Variants in PPFIBP1 observed in about 807,000 individuals in gnomAD.
PPFIBP1 encodes the protein PPFIB scaffold protein 1.
Under a neutral mutation model 137.8 loss-of-function variants are expected in PPFIBP1, and 112 were observed. The observed-to-expected ratio is 0.81, with a 90% CI of 0.70 to 0.95. PPFIBP1 has a LOEUF of 0.95. Ranked by LOEUF, PPFIBP1 falls within the 40% of genes least tolerant of loss-of-function variation. The pLI is 0.00. For missense variants in PPFIBP1, 1,083 were observed against 1,196.6 expected (o/e 0.91, Z 1.40); for synonymous variants, 378 against 417.3 (o/e 0.91, Z 1.15).
intron 16 of PPFIBP1, 29 bp from the exon 17 acceptor site, chr12:27,674,163 A>G: frequency 6.4e-7 from 1 of 1,561,452 alleles, no homozygotes; most frequent in Non-Finnish European, 8.7e-7. Flanking sequence ...TTCCCTAACA[A>G]CCTTAAATAT....
At chr12:27,607,391 A>G (rs950929610) in intron 2 of PPFIBP1, among the ~76,000 whole-genome samples, 2 of 152,238 alleles carry the variant, frequency 1.3e-5, no homozygotes, top group Non-Finnish European at 2.9e-5. Flanking sequence ...ATGGACTGCA[A>G]TGTTGTTGAA....
intron 1 of PPFIBP1, among the ~76,000 whole-genome samples, chr12:27,549,732 G>C (rs1002104029): frequency 6.6e-6 from 1 of 152,178 alleles, no homozygotes; most frequent in Non-Finnish European, 1.5e-5. Flanking sequence ...TCCTAGGAAA[G>C]TGGCAGTTCC....
intron 17 of PPFIBP1, 130 bp from the exon 18 acceptor site, chr12:27,676,298 A>G: frequency 1.6e-6 from 1 of 628,454 alleles, no homozygotes; most frequent in Non-Finnish European, 2.4e-6. Context: ...ATTGGTGATC[A>G]ATGTATTAGT....
intron 2 of PPFIBP1, among the ~76,000 whole-genome samples, chr12:27,615,096 T>C (rs1055974762): frequency 6.6e-6 from 1 of 152,122 alleles, no homozygotes; most frequent in Non-Finnish European, 1.5e-5. Flanking sequence ...ACCATGGGGG[T>C]TCTGAGCTTG....
intron 2 of PPFIBP1, among the ~76,000 whole-genome samples, chr12:27,584,863 G>A (rs2051541696): frequency 6.6e-6 from 1 of 152,176 alleles, no homozygotes. Flanking sequence ...CCAGCACCTA[G>A]GGGCACCTCA....
chr12:27,655,914 A>G (rs1200027759), intron 8 of PPFIBP1, among the ~76,000 whole-genome samples: 2 of 152,264 alleles, frequency 1.3e-5, no homozygotes, highest in African/African-American at 4.8e-5. Context: ...TTTGTTTGCT[A>G]AAACTAATTC....
rs1202428603 is a variant in PPFIBP1, at chr12:27,689,157, T to C, written c.2639T>C (p.Met880Thr). 1 of 1,596,836 alleles carries C rather than the reference T, an allele frequency of 6.3e-7. No homozygotes were observed. The highest frequency in any genetic ancestry group is 1.4e-5 in the African/African-American group (1 of 73,702). ...GCACAGCACCAGAAGCGAGATGCCA[T>C]GGAGCTGCCGGATTATGTACTTCTA... Reference protein sequence around the residue: ...AEAQHQKRDAMELPDYVLLTA... With the variant: ...AEAQHQKRDATELPDYVLLTA... The change falls in exon 27 of 30, where the codon ATG (methionine) becomes ACG (threonine). Residue 880 changes from methionine to threonine, a missense_variant. Coordinates refer to ENST00000228425, the MANE Select transcript of PPFIBP1 (RefSeq NM_003622.4).
chr12:27,596,442 A>C (rs1171997602), intron 2 of PPFIBP1, among the ~76,000 whole-genome samples: 2 of 152,204 alleles, frequency 1.3e-5, no homozygotes, highest in Non-Finnish European at 2.9e-5. Flanking sequence ...TCCCTGAGTG[A>C]TTGTGGACCT....
chr12:27,670,635 A>G (rs140953474), intron 13 of PPFIBP1, among the ~76,000 whole-genome samples: 235 of 152,168 alleles, frequency 1.5e-3, no homozygotes, highest in African/African-American at 5.5e-3. Flanking sequence ...AACATTAGCC[A>G]GCTGTGGTGG....
At chr12:27,614,683 G>A (rs922260187) in intron 2 of PPFIBP1, among the ~76,000 whole-genome samples, 3 of 152,034 alleles carry the variant, frequency 2.0e-5, no homozygotes, top group Non-Finnish European at 2.9e-5. Flanking sequence ...TTTCAAACAG[G>A]CAGAAAAAGA....
At chr12:27,661,794 T>A (rs1247420218) in intron 11 of PPFIBP1, among the ~76,000 whole-genome samples, 1 of 152,212 alleles carries the variant, frequency 6.6e-6, no homozygotes, top group African/African-American at 2.4e-5. Flanking sequence ...ACTCTTCTGT[T>A]TTTCTTATCT....
At chr12:27,598,089 G>T (rs1456664593) in intron 2 of PPFIBP1, among the ~76,000 whole-genome samples, 1 of 152,182 alleles carries the variant, frequency 6.6e-6, no homozygotes, top group Non-Finnish European at 1.5e-5. Context: ...ACAGGCATGA[G>T]CCACTATGCC....
intron 12 of PPFIBP1, among the ~76,000 whole-genome samples, chr12:27,664,682 A>G (rs2059752246): frequency 6.6e-6 from 1 of 151,080 alleles, no homozygotes; most frequent in South Asian, 2.2e-4. Context: ...ATGAGATAGC[A>G]TTCCAGAGAG....
chr12:27,606,322 G>T (rs1473207372), intron 2 of PPFIBP1, among the ~76,000 whole-genome samples: 2 of 52,514 alleles, frequency 3.8e-5, no homozygotes, highest in Non-Finnish European at 8.6e-5. Context: ...CATTTTTGGG[G>T]TATGGGGGAG....
chr12:27,635,008 C>A lies in PPFIBP1; in HGVS notation c.163C>A (p.Leu55Met). 1 of 1,614,102 alleles carries A rather than the reference C, an allele frequency of 6.2e-7. No individual in the cohort carries two copies. Among genetic ancestry groups the A allele is most frequent in the South Asian group, 1.1e-5 (1 of 91,084 alleles). The change falls in exon 4 of 30, where the codon CTG becomes ATG. Residue 55 changes from leucine (L) to methionine (M), a missense_variant. Leu to Met is a conservative substitution (Grantham distance 15, BLOSUM62 2). Coordinates refer to ENST00000228425, the MANE Select transcript of PPFIBP1 (RefSeq NM_003622.4). ...GCGAGCTCTGCACCTTGTGGAAGAC[C>A]TGCGTGGATTGTTAGAGATGATGGA... ...SLRALHLVED[L>M]RGLLEMMETD...
At chr12:27,682,544 T>G in intron 23 of PPFIBP1, 46 bp downstream of exon 23, 1 of 1,604,882 alleles carries the variant, frequency 6.2e-7, no homozygotes, top group African/African-American at 1.3e-5. Flanking sequence ...ATATACATAG[T>G]TGCTTTTTCT....
rs150295144 is a variant in PPFIBP1 at position 27,579,826 on chromosome 12, G to A, written c.-36+1587G>A. Among the ~76,000 whole-genome samples, 409 of 152,320 alleles carry A rather than the reference G, an allele frequency of 2.7e-3. 1 individual carries two copies. The highest frequency in any genetic ancestry group is 9.5e-3 in the African/African-American group (394 of 41,576). ...AGCCAAGTGATTTGTCTGCTTCAAT[G>A]TGATGTTCCAAGCTGCTTACTCAAC... On this transcript the variant is annotated intron_variant, in intron 2 of 29. Coordinates refer to ENST00000228425, the MANE Select transcript of PPFIBP1 (RefSeq NM_003622.4).
At chr12:27,567,981 C>T (rs1430094559) in intron 1 of PPFIBP1, among the ~76,000 whole-genome samples, 1 of 152,204 alleles carries the variant, frequency 6.6e-6, no homozygotes, top group Non-Finnish European at 1.5e-5. Context: ...ATCCTCCTGC[C>T]TCAGCCTCCC....
At chr12:27,573,645 C>T (rs887592709) in intron 1 of PPFIBP1, among the ~76,000 whole-genome samples, 6 of 152,156 alleles carry the variant, frequency 3.9e-5, no homozygotes, top group Non-Finnish European at 7.4e-5. Context: ...AGACTTTACT[C>T]TGCAGACATT....
Sources: allele counts gnomAD v4.1 joint callset (sites outside exome capture counted in the v4.1 genomes callset), GRCh38; gene constraint gnomAD v4.1.1; transcripts MANE v1.5; gene names NCBI Gene and HGNC (gene_info 2026-07-23, HGNC 2026-07-21).